KIZ: variants seen among roughly 807,000 people sequenced by gnomAD.
The protein encoded by KIZ is centrosomal protein kizuna.
Under a neutral mutation model 79.6 loss-of-function variants are expected in KIZ, and 68 were observed. That is an observed-to-expected ratio of 0.85 (90% CI 0.70 to 1.05). KIZ has a LOEUF of 1.05. KIZ is among the 50% of genes least tolerant of loss of function. KIZ has a pLI of 0.00. For missense variants in KIZ, 797 were observed against 800.4 expected, an observed-to-expected ratio of 1.00 and a Z score of 0.05; for synonymous variants, 280 against 281.8, an observed-to-expected ratio of 0.99 and a Z score of 0.06.
At chr20:21,131,911 C>T (rs369820981) in intron 1 of KIZ, 186 bp from the exon 2 acceptor site, 95 of 450,138 alleles carry the variant, frequency 2.1e-4, no homozygotes, top group Non-Finnish European at 3.4e-4. Flanking sequence ...GTTTTAGATG[C>T]GTCTGGCATT....
chr20:21,148,236 A>G (rs372343007), intron 4 of KIZ, among the ~76,000 whole-genome samples: 1 of 152,270 alleles, frequency 6.6e-6, no homozygotes, highest in East Asian at 1.9e-4. Flanking sequence ...GATCATTCTG[A>G]ATTATAAAAA....
chr20:21,147,012 GAT>G (rs2122522381), intron 4 of KIZ, among the ~76,000 whole-genome samples: 1 of 152,274 alleles, frequency 6.6e-6, no homozygotes, highest in East Asian at 1.9e-4. Context: ...TTTTCTATTT[GAT>G]ATTCGGTCAT....
At chr20:21,130,104 C>CT (rs888625367) in intron 1 of KIZ, among the ~76,000 whole-genome samples, 10 of 152,028 alleles carry the variant, frequency 6.6e-5, no homozygotes, top group African/African-American at 1.5e-4. Context: ...ACGATGCTCC[C>CT]TTTTTTTTCC....
At chr20:21,193,844 G>A (rs1348912016) in intron 6 of KIZ, among the ~76,000 whole-genome samples, 2 of 124,864 alleles carry the variant, frequency 1.6e-5, no homozygotes, top group East Asian at 2.8e-4. Context: ...ATCACACACT[G>A]GGGACTGTTG....
At chr20:21,135,749 T>C (rs1384590522) in intron 2 of KIZ, among the ~76,000 whole-genome samples, 1 of 152,234 alleles carries the variant, frequency 6.6e-6, no homozygotes, top group African/African-American at 2.4e-5. Flanking sequence ...TGTTTTTTTA[T>C]GTACAGAAAA....
Position 21,162,652 on chromosome 20 carries a change from T to C in KIZ, c.1042+145T>C, listed in dbSNP as rs892299966. The C allele has an allele frequency of 6.4e-6, 5 of 777,222 alleles. No homozygotes were observed. The Admixed American group carries it at 1.2e-4, about 18-fold the overall frequency. 48.1% of individuals were successfully genotyped at this position (777,222 alleles called of 1,614,324 possible). ...TCTAATGAACTCTTAAATATGTACA[T>C]GGGAGTGAATTTGCTGATTTTTAAA... On this transcript the variant is annotated intron_variant, in intron 5 of 12. Coordinates refer to ENST00000619189, the MANE Select transcript of KIZ (RefSeq NM_018474.6).
intron 11 of KIZ, among the ~76,000 whole-genome samples, chr20:21,236,844 A>G (rs2037022915): frequency 6.6e-6 from 1 of 151,784 alleles, no homozygotes; most frequent in Non-Finnish European, 1.5e-5. Flanking sequence ...TAAAAATACA[A>G]AAAAAATTAG....
intron 1 of KIZ, chr20:21,131,812 C>G: frequency 4.0e-6 from 1 of 252,140 alleles, no homozygotes; most frequent in Non-Finnish European, 7.5e-6. Flanking sequence ...TCCCCATTTA[C>G]TTTGTGGATT....
At chr20:21,242,834 A>G (rs745530512) in intron 11 of KIZ, among the ~76,000 whole-genome samples, 2 of 151,956 alleles carry the variant, frequency 1.3e-5, no homozygotes, top group African/African-American at 2.4e-5. Flanking sequence ...AGCTCCCCCA[A>G]TCACCTGCCA....
chr20:21,221,192 C>A (rs1176527203), intron 9 of KIZ, among the ~76,000 whole-genome samples: 1 of 152,164 alleles, frequency 6.6e-6, no homozygotes, highest in African/African-American at 2.4e-5. Flanking sequence ...CCCACATTGA[C>A]AATTTTATTT....
intron 12 of KIZ, 89 bp from the exon 13 acceptor site, chr20:21,246,390 G>T: frequency 2.5e-6 from 2 of 789,278 alleles, no homozygotes; most frequent in Admixed American, 4.5e-5. Context: ...CTGACACTCT[G>T]CTTAACCAGT....
intron 2 of KIZ, among the ~76,000 whole-genome samples, chr20:21,132,700 A>C (rs2031930848): frequency 6.6e-6 from 1 of 152,112 alleles, no homozygotes; most frequent in South Asian, 2.1e-4. Flanking sequence ...AAAATATGTT[A>C]TTTTCATTAT....
intron 6 of KIZ, among the ~76,000 whole-genome samples, chr20:21,190,425 A>G (rs919505823): frequency 7.2e-5 from 11 of 152,184 alleles, no homozygotes; most frequent in African/African-American, 2.7e-4. Context: ...TTGCATCACT[A>G]TGGGGGTAGA....
intron 1 of KIZ, among the ~76,000 whole-genome samples, chr20:21,131,416 G>T (rs1037960335): frequency 6.6e-6 from 1 of 152,162 alleles, no homozygotes; most frequent in African/African-American, 2.4e-5. Flanking sequence ...GGTCTTAGAA[G>T]GCCTGGTCTT....
chr20:21,177,152 G>C (rs1039437820), intron 6 of KIZ, among the ~76,000 whole-genome samples: 3 of 151,582 alleles, frequency 2.0e-5, no homozygotes, highest in African/African-American at 7.2e-5. Context: ...GGTAATTCTA[G>C]TTTTAATTTT....
chr20:21,187,282 G>C (rs1337396853), intron 6 of KIZ, among the ~76,000 whole-genome samples: 1 of 152,186 alleles, frequency 6.6e-6, no homozygotes, highest in East Asian at 1.9e-4. Flanking sequence ...GGAGCAGGAG[G>C]CATGATATTC....
Position 21,240,716 on chromosome 20 carries a change from G to T in KIZ, c.1881-3529G>T, listed in dbSNP as rs535973834. Among the ~76,000 whole-genome samples, 3 of 140,402 alleles carry T rather than the reference G, an allele frequency of 2.1e-5. No individual in the cohort carries two copies. The Admixed American group carries it at 2.2e-4, about 10-fold the overall frequency. The allele number at this position is 140,402 out of a possible 152,430, so 92.1% of individuals were successfully genotyped here. On this transcript the variant is annotated intron_variant, in intron 11 of 12. Coordinates refer to ENST00000619189, the MANE Select transcript of KIZ (RefSeq NM_018474.6). ...GCCACTGCCTCAGTCCATACGGCCC[G>T]CAAGCTAAGAGTGGTTTTCACATTT...
chr20:21,128,677 C>T (rs751821720), intron 1 of KIZ, among the ~76,000 whole-genome samples: 1 of 152,160 alleles, frequency 6.6e-6, no homozygotes, highest in African/African-American at 2.4e-5. Flanking sequence ...AATGGAGTGA[C>T]TTGTTACAGT....
In KIZ at chr20:21,161,986, G is replaced by T; in HGVS notation, c.521G>T (p.Ser174Ile). 1.2e-6 allele frequency: 2 copies of T among 1,613,968 alleles called. No individual in the cohort carries two copies. The highest frequency in any genetic ancestry group is 2.2e-5 in the East Asian group (1 of 44,876). The change falls in exon 5 of 13, where the codon AGT (serine) becomes ATT (isoleucine). Residue 174 changes from serine to isoleucine, a missense_variant. Transcript: ENST00000619189. ...GCCATCTTAAGCATGAGAGATTTCA[G>T]TACAGAGCACAAATCTCCCCAGCCC... Reference protein sequence around the residue: ...MSAILSMRDFSTEHKSPQPTK... With the variant: ...MSAILSMRDFITEHKSPQPTK...
Sources: allele counts gnomAD v4.1 joint callset (sites outside exome capture counted in the v4.1 genomes callset), GRCh38; gene constraint gnomAD v4.1.1; transcripts MANE v1.5; gene names NCBI Gene and HGNC (gene_info 2026-07-23, HGNC 2026-07-21).